The following USH2A variants were observed in gnomAD, a reference collection of about 807,000 sequenced individuals.
USH2A encodes the protein usherin.
A neutral mutation model predicts 538.9 loss-of-function variants in USH2A; 443 were observed. The observed-to-expected ratio is 0.82, with a 90% CI of 0.76 to 0.89. The LOEUF (loss-of-function observed/expected upper bound fraction) is 0.89. Among genes scored for constraint, USH2A ranks in the 40% least tolerant of loss-of-function variants. The pLI is 0.00. For synonymous variants in USH2A, 2,413 were observed against 2,273.5 expected (o/e 1.06, Z -1.75); for missense variants, 6,633 against 6,324.8 (o/e 1.05, Z -1.65).
chr1:215,851,360 A>C (rs1410067789), intron 44 of USH2A, among the ~76,000 whole-genome samples: 6 of 152,160 alleles, frequency 3.9e-5, no homozygotes. Context: ...GAAATAAAAC[A>C]GGAGACATTA....
chr1:216,237,842 T>TA (rs2035860825), intron 13 of USH2A, among the ~76,000 whole-genome samples: 2 of 152,306 alleles, frequency 1.3e-5, no homozygotes, highest in African/African-American at 4.8e-5. Flanking sequence ...CAGATGTACC[T>TA]AAGATTGTGG....
chr1:215,798,942 C>T lies in USH2A; in HGVS notation c.9923G>A (p.Gly3308Asp). The change falls in exon 50 of 72, where the codon GGT becomes GAT. Residue 3308 changes from glycine to aspartate, a missense_variant. By Grantham distance (94) the Gly-to-Asp change is moderately conservative. Coordinates refer to ENST00000307340, the MANE Select transcript of USH2A (RefSeq NM_206933.4). ...ATTGTACACCACTCCTTCTTCTCCACCACAACACTCTAAATCGTTGCTCAC... is the reference window on the plus strand; with the variant it reads ...ATTGTACACCACTCCTTCTTCTCCATCACAACACTCTAAATCGTTGCTCAC... The part of the protein sequence containing the change: ...QIVSNDLECC[G>D]GEEGVVYNRL... 6.2e-7 allele frequency: 1 copy of T among 1,614,066 alleles called. No homozygotes were observed. Among genetic ancestry groups the T allele is most frequent in the Non-Finnish European group, 8.5e-7 (1 of 1,179,958 alleles).
chr1:216,069,666 C>A (rs535887437), intron 30 of USH2A, among the ~76,000 whole-genome samples: 74 of 152,272 alleles, frequency 4.9e-4, no homozygotes, highest in African/African-American at 1.6e-3. Context: ...CTAACTGGGG[C>A]TCTAAGACTC....
chr1:216,203,298 C>G (rs936244945), intron 16 of USH2A, among the ~76,000 whole-genome samples: 1 of 151,368 alleles, frequency 6.6e-6, no homozygotes, highest in East Asian at 1.9e-4. Context: ...GTTCTTTTTC[C>G]TATACATACA....
chr1:216,259,676 C>G (rs2036329683), intron 11 of USH2A, among the ~76,000 whole-genome samples: 1 of 151,942 alleles, frequency 6.6e-6, no homozygotes, highest in African/African-American at 2.4e-5. Flanking sequence ...TTTTCTTGCT[C>G]AAGAAAAAGG....
chr1:216,001,050 G>A (rs371895596), intron 32 of USH2A, among the ~76,000 whole-genome samples: 1 of 151,974 alleles, frequency 6.6e-6, no homozygotes, highest in Non-Finnish European at 1.5e-5. Flanking sequence ...TCAAATTGTC[G>A]AGGTGCAGTG....
intron 9 of USH2A, among the ~76,000 whole-genome samples, chr1:216,321,457 A>T (rs2037608627): frequency 6.6e-6 from 1 of 152,208 alleles, no homozygotes; most frequent in Admixed American, 6.5e-5. Flanking sequence ...ACCTTGATTG[A>T]CATAAATACA....
chr1:216,139,552 T>C (rs372962431), intron 21 of USH2A, among the ~76,000 whole-genome samples: 2 of 152,214 alleles, frequency 1.3e-5, no homozygotes, highest in African/African-American at 4.8e-5. Flanking sequence ...CAATCAGTGT[T>C]TTATCACCTG....
chr1:215,989,543 A>G (rs546951310), intron 35 of USH2A, among the ~76,000 whole-genome samples: 1 of 152,270 alleles, frequency 6.6e-6, no homozygotes, highest in South Asian at 2.1e-4. Flanking sequence ...CAAAATACAT[A>G]TTTTGAATGA....
In USH2A at chr1:215,962,935, G is replaced by A. The variant is rs868545222; in HGVS notation, c.7120+2382C>T. ...GGATACGAGTTGACATGAAGAATAG[G>A]GTTCCCATGAGGGTGTCTTACAGAC... On this transcript the variant is annotated intron_variant, in intron 37 of 71. Transcript: ENST00000307340. Among the ~76,000 whole-genome samples, 8 of 152,136 alleles carry A rather than the reference G, an allele frequency of 5.3e-5. 1 individual carries two copies. The highest frequency in any genetic ancestry group is 6.8e-3 in the Middle Eastern group (2 of 294).
intron 24 of USH2A, 71 bp from the exon 25 acceptor site, chr1:216,084,948 C>T (rs2032080753): frequency 1.3e-6 from 2 of 1,504,686 alleles, no homozygotes; most frequent in African/African-American, 1.4e-5. Flanking sequence ...ATTTTATGTG[C>T]CATTAAAGTC....
intron 49 of USH2A, among the ~76,000 whole-genome samples, chr1:215,811,534 C>G (rs1163342969): frequency 1.3e-5 from 2 of 152,096 alleles, no homozygotes; most frequent in Non-Finnish European, 2.9e-5. Context: ...GAAGACAGCT[C>G]TGACTCCCTA....
chr1:215,760,414 CTT>C (rs908172754), intron 56 of USH2A, among the ~76,000 whole-genome samples: 4 of 152,076 alleles, frequency 2.6e-5, no homozygotes, highest in African/African-American at 9.6e-5. Context: ...CTTTTTCTCT[CTT>C]CTCTTCTCTT....
intron 64 of USH2A, among the ~76,000 whole-genome samples, chr1:215,665,084 G>C (rs1213032371): frequency 6.6e-6 from 1 of 152,148 alleles, no homozygotes; most frequent in Non-Finnish European, 1.5e-5. Context: ...AGCCTATGGT[G>C]GGGGCTGGTG....
Position 215,624,970 on chromosome 1 carries a change from A to G in USH2A, c.*811T>C, listed in dbSNP as rs1049841390. On this transcript the variant is annotated 3_prime_UTR_variant, in exon 72 of 72. Coordinates refer to ENST00000307340, the MANE Select transcript of USH2A (RefSeq NM_206933.4). ...ATATTCAGTGAATTGACAGAATTTT[A>G]TGAGAAACTAGTTTCAAAACTATAA... 3 of 152,202 alleles carry G rather than the reference A, an allele frequency of 2.0e-5. No homozygotes were observed. 9.4% of individuals were successfully genotyped at this position (152,202 alleles called of 1,614,324 possible). A position where few individuals can be genotyped will look rare whatever the true frequency, so the allele number is the denominator to read the frequency against.
chr1:215,980,860 G>A (rs1667737011), intron 35 of USH2A, among the ~76,000 whole-genome samples: 1 of 152,006 alleles, frequency 6.6e-6, no homozygotes, highest in South Asian at 2.1e-4. Flanking sequence ...ACTCTTGATA[G>A]ATATTTAGAA....
rs569174948 is a variant in USH2A, at chr1:216,199,961, A to G, written c.3477T>C (p.Pro1159=). 3 of 1,614,122 alleles carry G rather than the reference A, an allele frequency of 1.9e-6. No individual in the cohort carries two copies. In the Admixed American group the frequency reaches 5.0e-5, roughly 27 times the overall value. Residue 1159 remains proline (P), a synonymous_variant, in exon 17 of 72, where the codon CCT becomes CCC. Coordinates refer to ENST00000307340, the MANE Select transcript of USH2A (RefSeq NM_206933.4). ...TAAGTGTCACAGAGTCTGAGCCAAT[A>G]GGAATGATATAACTTAAAGTCAAGT... is the stretch of plus-strand genomic sequence containing the variant. ...EGNLTLSYII[P]IGSDSVTLTW...
intron 40 of USH2A, among the ~76,000 whole-genome samples, chr1:215,890,421 A>G (rs144962248): frequency 2.2e-4 from 33 of 152,296 alleles, no homozygotes; most frequent in African/African-American, 6.7e-4. Context: ...CTTTCACACA[A>G]CAGGATCCAC....
intron 55 of USH2A, among the ~76,000 whole-genome samples, chr1:215,779,158 G>T (rs1271470272): frequency 6.6e-6 from 1 of 152,180 alleles, no homozygotes; most frequent in Non-Finnish European, 1.5e-5. Context: ...ATAAAACAAA[G>T]TGATGTGGTG....
Sources: allele counts gnomAD v4.1 joint callset (sites outside exome capture counted in the v4.1 genomes callset), GRCh38; gene constraint gnomAD v4.1.1; transcripts MANE v1.5; gene names NCBI Gene and HGNC (gene_info 2026-07-23, HGNC 2026-07-21).